Variants in ESPNL observed in about 807,000 individuals in gnomAD.
ESPNL encodes espin like.
ESPNL carries 49 observed loss-of-function variants against 46.8 expected under a neutral mutation model. That is an observed-to-expected ratio of 1.05 (90% CI 0.83 to 1.33). ESPNL has a LOEUF of 1.33. ESPNL is among the 40% of genes most tolerant of loss of function. The pLI, the probability that ESPNL is intolerant of heterozygous loss-of-function variation, is 0.00. For missense variants in ESPNL, 1,540 were observed against 1,436.6 expected, an observed-to-expected ratio of 1.07 and a Z score of -1.16; for synonymous variants, 664 against 662.1, an observed-to-expected ratio of 1.00 and a Z score of -0.04.
At position 238,102,086 on chromosome 2, in the gene ESPNL, G is replaced by A; in HGVS notation, c.440G>A (p.Ser147Asn). Residue 147 changes from serine to asparagine, a missense_variant, in exon 2 of 9, where the codon AGT becomes AAT. Physicochemically the swap from Ser to Asn is conservative, Grantham distance 46 (BLOSUM62 1). Transcript: ENST00000343063. Reference protein sequence around the residue: ...GARPLHHAAVSGDLTCLKLLT... With the variant: ...GARPLHHAAVNGDLTCLKLLT... Reference sequence around the variant, plus strand: ...CGGCCGCTGCACCACGCTGCCGTCAGTGGGGACCTGACCTGCCTCAAGCTC... The same window carrying A: ...CGGCCGCTGCACCACGCTGCCGTCAATGGGGACCTGACCTGCCTCAAGCTC... 6.3e-7 allele frequency: 1 copy of A among 1,575,488 alleles called. No individual in the cohort carries two copies. The highest frequency in any genetic ancestry group is 8.6e-7 in the Non-Finnish European group (1 of 1,162,644).
chr2:238,129,459 G>A (rs1226588188), intron 8 of ESPNL, among the ~76,000 whole-genome samples: 1 of 152,192 alleles, frequency 6.6e-6, no homozygotes, highest in African/African-American at 2.4e-5. Flanking sequence ...GGGAGGAGCA[G>A]GAGGAGGCGC....
intron 4 of ESPNL, among the ~76,000 whole-genome samples, chr2:238,108,478 T>A (rs1370023852): frequency 1.3e-5 from 2 of 152,176 alleles, no homozygotes; most frequent in African/African-American, 4.8e-5. Context: ...GGTGCAGCCA[T>A]CAGCTGCTGG....
chr2:238,129,150 G>T, intron 8 of ESPNL: 1 of 1,398,040 alleles, frequency 7.2e-7, no homozygotes, highest in Non-Finnish European at 9.3e-7. Flanking sequence ...CGGATTTGTG[G>T]CACATGCCTG....
At chr2:238,111,047 C>G (rs1691708132) in intron 4 of ESPNL, among the ~76,000 whole-genome samples, 1 of 148,596 alleles carries the variant, frequency 6.7e-6, no homozygotes, top group African/African-American at 2.5e-5. Context: ...CTGCCTCAGC[C>G]TCCTGAGTAG....
intron 5 of ESPNL, among the ~76,000 whole-genome samples, chr2:238,119,424 A>AATG (rs1691928514): frequency 1.1e-5 from 1 of 90,386 alleles, no homozygotes; most frequent in African/African-American, 4.9e-5. Context: ...GGAGGAGGGT[A>AATG]GATGGAGGAG....
intron 2 of ESPNL, among the ~76,000 whole-genome samples, chr2:238,103,619 T>A (rs1691533700): frequency 6.6e-6 from 1 of 152,156 alleles, no homozygotes; most frequent in Non-Finnish European, 1.5e-5. Flanking sequence ...GGCTGCATCA[T>A]GGCCTGCTCC....
In ESPNL at chr2:238,130,893, G is replaced by T; in HGVS notation, c.2179G>T (p.Ala727Ser). Residue 727 changes from alanine (A) to serine (S), a missense_variant, in exon 9 of 9, where the codon GCC becomes TCC. Physicochemically the swap from Ala to Ser is moderately conservative, Grantham distance 99. Transcript: ENST00000343063. ...CGAGGAGGTGCCATCAGAGGCGGGT[G>T]CCGCAGCCGGCCCAGACCTGGCCAG... is the stretch of plus-strand genomic sequence containing the variant. ...SCEEVPSEAG[A>S]AAGPDLASLR... The T allele has an allele frequency of 6.5e-7, 1 of 1,545,100 alleles. No individual in the cohort carries two copies. Among genetic ancestry groups the T allele is most frequent in the Non-Finnish European group, 8.7e-7 (1 of 1,145,746 alleles).
chr2:238,131,029 G>T lies in ESPNL; in HGVS notation c.2315G>T (p.Gly772Val). 6.5e-7 allele frequency: 1 copy of T among 1,539,428 alleles called. No homozygotes were observed. The change falls in exon 9 of 9, where the codon GGG becomes GTG. Residue 772 changes from glycine (G) to valine (V), a missense_variant. Transcript: ENST00000343063. The stretch of plus-strand genomic sequence containing the variant: ...AGGACCCTAGGAGCCCGCCACGCGG[G>T]GTTGCGGGGCCAGGAGGCCGCCAGG... ...ACRTLGARHA[G>V]LRGQEAARSP... is the part of the protein sequence containing the mutation.
chr2:238,108,547 A>G (rs1691652571), intron 4 of ESPNL, among the ~76,000 whole-genome samples: 1 of 152,104 alleles, frequency 6.6e-6, no homozygotes, highest in Admixed American at 6.5e-5. Context: ...CCATCTCAGG[A>G]GAATGCACAC....
At chr2:238,125,131 G>C in intron 5 of ESPNL, 139 bp from the exon 6 acceptor site, 2 of 481,724 alleles carry the variant, frequency 4.2e-6, no homozygotes, top group Non-Finnish European at 7.5e-6. Flanking sequence ...CCCCTCTCCT[G>C]CCACCTCCTT....
At chr2:238,108,997 C>G (rs535748451) in intron 4 of ESPNL, among the ~76,000 whole-genome samples, 41 of 152,334 alleles carry the variant, frequency 2.7e-4, no homozygotes, top group African/African-American at 9.1e-4. Flanking sequence ...ACCGCCCTTC[C>G]TCTCACCATC....
In ESPNL at chr2:238,130,722, A is replaced by T; in HGVS notation, c.2008A>T (p.Asn670Tyr). 6.4e-7 allele frequency: 1 copy of T among 1,565,750 alleles called. No individual in the cohort carries two copies. ...GGCCTCTGGCCCACTCTGTGGCTTCAACCCTGGCCCCTGCGAGCCGGGGGC... is the reference window on the plus strand; with the variant it reads ...GGCCTCTGGCCCACTCTGTGGCTTCTACCCTGGCCCCTGCGAGCCGGGGGC... ...ESASGPLCGF[N>Y]PGPCEPGAQH... The change falls in exon 9 of 9, where the codon AAC becomes TAC. Residue 670 changes from asparagine (N) to tyrosine (Y), a missense_variant. By Grantham distance (143) the Asn-to-Tyr change is moderately radical (BLOSUM62 -2). Transcript: ENST00000343063.
intron 4 of ESPNL, among the ~76,000 whole-genome samples, chr2:238,112,881 G>A (rs181528538): frequency 1.1e-3 from 165 of 152,270 alleles, no homozygotes; most frequent in South Asian, 3.9e-3. Flanking sequence ...TTTTTGATAA[G>A]TTACTTTATT....
intron 6 of ESPNL, 200 bp from the exon 7 acceptor site, chr2:238,127,422 C>A: frequency 1.5e-6 from 2 of 1,318,030 alleles, no homozygotes; most frequent in Non-Finnish European, 1.9e-6. Flanking sequence ...ATCGACCAGG[C>A]GGGGGCGGGC....
chr2:238,117,089 C>A, intron 5 of ESPNL, 55 bp downstream of exon 5: 1 of 1,550,150 alleles, frequency 6.5e-7, no homozygotes, highest in Non-Finnish European at 8.7e-7. Flanking sequence ...GCCCAGACCC[C>A]AGCCAGGACC....
Position 238,130,526 on chromosome 2 carries a change from C to T in ESPNL, c.1812C>T (p.Ser604=), listed in dbSNP as rs760965762. The change falls in exon 9 of 9, where the codon TCC becomes TCT. Residue 604 remains serine, a synonymous_variant. Coordinates refer to ENST00000343063, the MANE Select transcript of ESPNL (RefSeq NM_194312.4). ...TCTCCCGCCTGGTACGCAGCCTGTC[C>T]CTGCTGCTGAAGGGCGTGCATGGGC... ...SHISRLVRSL[S]LLLKGVHGLV... 3 of 1,595,398 alleles carry T rather than the reference C, an allele frequency of 1.9e-6. No individual in the cohort carries two copies. Among genetic ancestry groups the T allele is most frequent in the Non-Finnish European group, 2.6e-6 (3 of 1,171,384 alleles).
intron 5 of ESPNL, among the ~76,000 whole-genome samples, chr2:238,123,370 C>T (rs750231538): frequency 1.3e-5 from 2 of 152,186 alleles, no homozygotes; most frequent in African/African-American, 4.8e-5. Context: ...TGCGGCAGCC[C>T]GGCTGTGGGG....
At chr2:238,113,302 G>T (rs576086287) in intron 4 of ESPNL, among the ~76,000 whole-genome samples, 1 of 152,246 alleles carries the variant, frequency 6.6e-6, no homozygotes, top group Non-Finnish European at 1.5e-5. Context: ...TCATCAGCCT[G>T]ACAGTCTTTA....
intron 1 of ESPNL, among the ~76,000 whole-genome samples, chr2:238,101,405 C>T (rs1691476381): frequency 6.6e-6 from 1 of 152,204 alleles, no homozygotes; most frequent in Admixed American, 6.5e-5. Context: ...CTGTTCCTGT[C>T]GGCCCTTCCG....
Sources: allele counts gnomAD v4.1 joint callset (sites outside exome capture counted in the v4.1 genomes callset), GRCh38; gene constraint gnomAD v4.1.1; transcripts MANE v1.5; gene names NCBI Gene and HGNC (gene_info 2026-07-23, HGNC 2026-07-21).